The following GET1 variants were observed in gnomAD, a reference collection of about 807,000 sequenced individuals.
The protein encoded by GET1 is guided entry of tail-anchored proteins factor 1.
GET1 carries 20 observed loss-of-function variants against 22.6 expected under a neutral mutation model. The ratio of observed to expected loss-of-function variants is 0.89; its 90% CI spans 0.62 to 1.29. The LOEUF (loss-of-function observed/expected upper bound fraction) is 1.29, where lower values mean the gene tolerates loss of function less well. Ranked by LOEUF, GET1 falls within the 50% of genes most tolerant of loss-of-function variation. The pLI is 0.00. For missense variants in GET1, 209 were observed against 219.9 expected (o/e 0.95, Z 0.31); for synonymous variants, 92 against 83.8 (o/e 1.10, Z -0.53).
chr21:39,385,198 T>C (rs977448870), intron 1 of GET1, among the ~76,000 whole-genome samples: 14 of 152,140 alleles, frequency 9.2e-5, no homozygotes, highest in African/African-American at 3.4e-4. Flanking sequence ...GTACTTAGAT[T>C]ATAACCTCCG....
At chr21:39,411,887 C>T (rs892995120) in intron 1 of GET1, 8 of 711,586 alleles carry the variant, frequency 1.1e-5, no homozygotes, top group Middle Eastern at 2.4e-4. Context: ...TAAATGAGCT[C>T]AGTATCCTAT....
At chr21:39,388,175 T>C (rs1355424650) in intron 1 of GET1, among the ~76,000 whole-genome samples, 3 of 152,078 alleles carry the variant, frequency 2.0e-5, no homozygotes, top group African/African-American at 7.2e-5. Context: ...AGGAGTTCAC[T>C]GGCAACATAG....
chr21:39,428,029 A>T, intron 1 of GET1: 1 of 587,736 alleles, frequency 1.7e-6, no homozygotes, highest in Non-Finnish European at 3.1e-6. Context: ...TTCCTAATTT[A>T]TTCTATAAAA....
intron 4 of GET1, among the ~76,000 whole-genome samples, chr21:39,404,858 T>A: frequency 6.9e-6 from 1 of 144,820 alleles, no homozygotes. Context: ...TGAGATGGAG[T>A]CTCGCTCTGT....
intron 1 of GET1, among the ~76,000 whole-genome samples, chr21:39,385,567 A>G (rs935300092): frequency 6.6e-6 from 1 of 152,162 alleles, no homozygotes; most frequent in African/African-American, 2.4e-5. Context: ...TTCTTCAGCT[A>G]TAGAGGGGAA....
At chr21:39,394,518 C>T (rs993188663) in intron 4 of GET1, among the ~76,000 whole-genome samples, 1 of 152,150 alleles carries the variant, frequency 6.6e-6, no homozygotes, top group African/African-American at 2.4e-5. Flanking sequence ...AAGTGAAATA[C>T]TATAAACTGG....
At chr21:39,380,590 T>C (rs2037493446) in intron 1 of GET1, 104 bp downstream of exon 1, 1 of 1,519,556 alleles carries the variant, frequency 6.6e-7, no homozygotes, top group Admixed American at 2.1e-5. Context: ...CTGAAGGCCG[T>C]AGTAGCGTCT....
intron 1 of GET1, among the ~76,000 whole-genome samples, chr21:39,387,250 T>G (rs748385164): frequency 1.1e-4 from 16 of 152,244 alleles, no homozygotes; most frequent in Non-Finnish European, 1.6e-4. Flanking sequence ...TCAGTTTTCC[T>G]GAAGTTCACC....
At chr21:39,380,879 C>A (rs1272202229) in intron 1 of GET1, 2 of 987,284 alleles carry the variant, frequency 2.0e-6, no homozygotes, top group Admixed American at 6.0e-5. Context: ...GTTCCAGGTC[C>A]CGGAGAGATG....
intron 2 of GET1, chr21:39,391,393 C>A: frequency 3.6e-6 from 1 of 276,742 alleles, no homozygotes; most frequent in Non-Finnish European, 6.9e-6. Context: ...AGGGGCCTGT[C>A]CAGGCCCAGG....
intron 1 of GET1, among the ~76,000 whole-genome samples, chr21:39,416,094 G>A (rs1165261180): frequency 6.6e-6 from 1 of 152,142 alleles, no homozygotes; most frequent in Non-Finnish European, 1.5e-5. Flanking sequence ...TCATTATTGA[G>A]TGGAATGCTT....
rs750224176 is a variant in GET1, at chr21:39,380,404, A to G, written c.20A>G (p.Asp7Gly). Reference protein sequence around the residue: MSSAAADHWAWLLVLSF... With the variant: MSSAAAGHWAWLLVLSF... The stretch of plus-strand genomic sequence containing the variant: ...TCCGGGATGAGCTCAGCCGCGGCCG[A>G]CCACTGGGCGTGGTTGCTGGTGCTC... Residue 7 changes from aspartate to glycine, a missense_variant, in exon 1 of 5, where the codon GAC becomes GGC. By Grantham distance (94) the Asp-to-Gly change is moderately conservative. Transcript: ENST00000649170. The G allele has an allele frequency of 1.9e-5, 31 of 1,610,512 alleles. No individual in the cohort carries two copies. The highest frequency in any genetic ancestry group is 1.6e-4 in the Middle Eastern group (1 of 6,070).
rs1601658511 is a variant in GET1, at chr21:39,404,595, G to C, written c.350-1319G>C. Among the ~76,000 whole-genome samples the C allele has an allele frequency of 3.3e-5, 5 of 151,836 alleles. 1 individual carries two copies. On this transcript the variant is annotated intron_variant, in intron 4 of 4. Transcript: ENST00000415847. ...CCATTTTTAGTCTCTAATAAAAATA[G>C]AAAAATTAGCTGGGTGTGGTGGTGC...
At position 39,397,268 on chromosome 21, in the gene GET1, C is replaced by T. The variant is rs569548221; in HGVS notation, c.*329C>T. ...TTATGTATTTTGGTCATATTGCCAA[C>T]TGGAAAGTCAAAATTTTCTAACAAC... On this transcript the variant is annotated 3_prime_UTR_variant, in exon 5 of 5. Transcript: ENST00000649170. 9.2e-6 allele frequency: 2 copies of T among 217,724 alleles called. No homozygotes were observed. Among genetic ancestry groups the T allele is most frequent in the East Asian group, 2.1e-4 (2 of 9,504 alleles). 13.5% of individuals were successfully genotyped at this position (217,724 alleles called of 1,614,324 possible).
chr21:39,412,594 G>A (rs1165302018), intron 1 of GET1, among the ~76,000 whole-genome samples: 1 of 151,308 alleles, frequency 6.6e-6, no homozygotes, highest in Non-Finnish European at 1.5e-5. Context: ...TGACAGACGT[G>A]CATGTGCACA....
At chr21:39,383,882 A>C (rs931304895) in intron 1 of GET1, among the ~76,000 whole-genome samples, 1 of 152,226 alleles carries the variant, frequency 6.6e-6, no homozygotes, top group Admixed American at 6.5e-5. Flanking sequence ...CTGGGATTAC[A>C]GGTGCATGCC....
chr21:39,424,173 C>A (rs187570836), intron 1 of GET1, among the ~76,000 whole-genome samples: 1 of 152,128 alleles, frequency 6.6e-6, no homozygotes, highest in Admixed American at 6.6e-5. Flanking sequence ...CCACTATGCC[C>A]TGCTAATTTT....
chr21:39,382,381 C>T (rs1213652896), intron 1 of GET1, among the ~76,000 whole-genome samples: 1 of 152,160 alleles, frequency 6.6e-6, no homozygotes, highest in Non-Finnish European at 1.5e-5. Context: ...TTTATCTCCT[C>T]TAACCGAAAC....
chr21:39,380,510 A>C, intron 1 of GET1, 24 bp downstream of exon 1: 1 of 1,598,784 alleles, frequency 6.3e-7, no homozygotes, highest in East Asian at 2.3e-5. Flanking sequence ...TGGCCTCCCA[A>C]GGGCCGGTGG....
Sources: gnomAD v4.1 joint callset for allele counts (sites outside exome capture counted in the v4.1 genomes callset) on GRCh38, gnomAD v4.1.1 for gene constraint, MANE v1.5 for transcripts, NCBI Gene and HGNC (gene_info 2026-07-23, HGNC 2026-07-21) for gene names.